Variants in FXN observed in about 807,000 individuals in gnomAD.
FXN encodes the protein frataxin, mitochondrial.
FXN carries 14 observed loss-of-function variants against 22.4 expected under a neutral mutation model. The observed-to-expected ratio is 0.62, with a 90% CI of 0.41 to 0.98. The LOEUF (loss-of-function observed/expected upper bound fraction) is 0.98, where lower values mean the gene tolerates loss of function less well. Ranked by LOEUF, FXN falls within the 50% of genes least tolerant of loss-of-function variation. The pLI is 0.00. For synonymous variants in FXN, 120 were observed against 114.1 expected, an observed-to-expected ratio of 1.05 and a Z score of -0.33; for missense variants, 267 against 268.4, an observed-to-expected ratio of 0.99 and a Z score of 0.04.
At chr9:69,057,728 CT>C (rs1326575645) in intron 3 of FXN, among the ~76,000 whole-genome samples, 1 of 151,880 alleles carries the variant, frequency 6.6e-6, no homozygotes, top group Non-Finnish European at 1.5e-5. Context: ...CAGTCTTTTC[CT>C]CCCCTGAGAT....
intron 2 of FXN, among the ~76,000 whole-genome samples, chr9:69,052,731 A>G (rs1252870962): frequency 2.6e-5 from 4 of 151,430 alleles, no homozygotes; most frequent in Non-Finnish European, 4.4e-5. Context: ...TTCAGTAGAG[A>G]CGGGGTTTCA....
Position 69,072,825 on chromosome 9 carries a change from G to T in FXN, c.*63G>T. On this transcript the variant is annotated 3_prime_UTR_variant, in exon 5 of 5. Transcript: ENST00000484259. ...GCCAAGACCCCAGCTTCATTATGCA[G>T]CTGAGGTCTGTTTTTTGTTGTTGTT... 6.2e-7 allele frequency: 1 copy of T among 1,608,112 alleles called. No homozygotes were observed. The highest frequency in any genetic ancestry group is 8.5e-7 in the Non-Finnish European group (1 of 1,178,788).
intron 3 of FXN, among the ~76,000 whole-genome samples, chr9:69,054,128 G>A (rs1831911660): frequency 6.6e-6 from 1 of 152,132 alleles, no homozygotes. Context: ...AGCCTCCCGA[G>A]TAGCTGGGAT....
At chr9:69,042,466 C>T (rs1587816005) in intron 1 of FXN, among the ~76,000 whole-genome samples, 2 of 152,156 alleles carry the variant, frequency 1.3e-5, no homozygotes, top group East Asian at 1.9e-4. Context: ...GTGAGTACCA[C>T]GATCCCTTCC....
chr9:69,053,175 A>C lies in FXN; in HGVS notation c.299A>C (p.Glu100Ala), dbSNP rs541981554. Reference sequence around the variant, plus strand: ...GAGACCACCTATGAAAGACTAGCAGAGGAAACGCTGGACTCTTTAGCAGAG... The same window carrying C: ...GAGACCACCTATGAAAGACTAGCAGCGGAAACGCTGGACTCTTTAGCAGAG... The part of the protein sequence containing the change: ...LDETTYERLA[E>A]ETLDSLAEFF... The change falls in exon 3 of 5, where the codon GAG (glutamate) becomes GCG (alanine). Residue 100 changes from glutamate (E) to alanine (A), a missense_variant. By Grantham distance (107) the Glu-to-Ala change is moderately radical (BLOSUM62 -1). Transcript: ENST00000484259. The C allele has an allele frequency of 1.1e-4, 174 of 1,613,998 alleles. 1 individual carries two copies. The South Asian group carries it at 1.9e-3, about 17-fold the overall frequency.
intron 3 of FXN, among the ~76,000 whole-genome samples, chr9:69,064,306 G>A (rs1832129110): frequency 6.6e-6 from 1 of 152,200 alleles, no homozygotes; most frequent in Admixed American, 6.5e-5. Context: ...AGAATTCAAG[G>A]CTCTTTAGAG....
In FXN at chr9:69,078,663, A is replaced by G. The variant is rs765041538; in HGVS notation, c.*5901A>G. 1.3e-5 allele frequency: 13 copies of G among 975,374 alleles called. No homozygotes were observed. The highest frequency in any genetic ancestry group is 1.6e-5 in the Non-Finnish European group (13 of 827,664). 60.4% of individuals were successfully genotyped at this position (975,374 alleles called of 1,614,324 possible). The stretch of plus-strand genomic sequence containing the variant: ...TTGACTCCAGCAATCCCAAATCCCC[A>G]GATCCCTAAGTGTGCTGTGCTATTT... On this transcript the variant is annotated 3_prime_UTR_variant, in exon 5 of 5. Coordinates refer to ENST00000484259, the MANE Select transcript of FXN (RefSeq NM_000144.5).
intron 3 of FXN, among the ~76,000 whole-genome samples, chr9:69,062,152 C>A (rs781145998): frequency 5.3e-5 from 8 of 152,152 alleles, no homozygotes; most frequent in Non-Finnish European, 1.2e-4. Flanking sequence ...CTCTGTGTCA[C>A]CCAGGCTGAA....
At chr9:69,051,376 C>G (rs1175902355) in intron 2 of FXN, among the ~76,000 whole-genome samples, 1 of 152,020 alleles carries the variant, frequency 6.6e-6, no homozygotes, top group Admixed American at 6.5e-5. Context: ...GCCACTGCAC[C>G]CAGCCCATGG....
rs1028907172 is a variant in FXN, at chr9:69,047,336, GAC to G, written c.263+866_263+867del. Among the ~76,000 whole-genome samples, 6 of 146,744 alleles carry G rather than the reference GAC, an allele frequency of 4.1e-5. 1 individual carries two copies. In the Admixed American group the frequency reaches 4.1e-4, roughly 10 times the overall value. On this transcript the variant is annotated intron_variant, in intron 2 of 4. Transcript: ENST00000484259. ...TTCTTCTGATCTACACACAGACACA[GAC>G]ACACACACACAGACACACACACACA... is the stretch of plus-strand genomic sequence containing the variant.
At chr9:69,038,691 G>T (rs1354148037) in intron 1 of FXN, among the ~76,000 whole-genome samples, 2 of 151,358 alleles carry the variant, frequency 1.3e-5, no homozygotes, top group East Asian at 3.9e-4. Flanking sequence ...GGTGGTGGGT[G>T]CCTGTAGTCC....
chr9:69,072,464 G>GA, intron 4 of FXN, 148 bp from the exon 5 acceptor site: 1 of 1,360,118 alleles, frequency 7.4e-7, no homozygotes, highest in South Asian at 1.2e-5. Context: ...TAGATGCTAA[G>GA]ATAAGAAGGC....
Position 69,074,808 on chromosome 9 carries a change from GAAATA to G in FXN, c.*2051_*2055del, listed in dbSNP as rs1832337711. 1.0e-6 allele frequency: 1 copy of G among 954,242 alleles called. No homozygotes were observed. Among genetic ancestry groups the G allele is most frequent in the African/African-American group, 1.8e-5 (1 of 56,552 alleles). 59.1% of individuals were successfully genotyped at this position (954,242 alleles called of 1,614,324 possible). A position where few individuals can be genotyped will look rare whatever the true frequency, so the allele number is the denominator to read the frequency against. ...GCTAAATAGGTAAAATATTTTTTCT[GAAATA>G]AAATTATTTTTTGAGTCTGATGGAA... is the stretch of plus-strand genomic sequence containing the variant. On this transcript the variant is annotated 3_prime_UTR_variant, in exon 5 of 5. Transcript: ENST00000484259.
intron 1 of FXN, among the ~76,000 whole-genome samples, chr9:69,036,884 G>A (rs192205557): frequency 6.6e-6 from 1 of 152,240 alleles, no homozygotes; most frequent in Non-Finnish European, 1.5e-5. Flanking sequence ...AGTGGTAGAG[G>A]GTGTTTCACG....
At chr9:69,068,358 G>T (rs1299782130) in intron 4 of FXN, among the ~76,000 whole-genome samples, 1 of 152,196 alleles carries the variant, frequency 6.6e-6, no homozygotes, top group Non-Finnish European at 1.5e-5. Context: ...AGAACATGGG[G>T]TGCCTCCCCT....
chr9:69,078,755 G>A lies in FXN; in HGVS notation c.*5993G>A, dbSNP rs1019424480. On this transcript the variant is annotated 3_prime_UTR_variant, in exon 5 of 5. Coordinates refer to ENST00000484259, the MANE Select transcript of FXN (RefSeq NM_000144.5). ...GTCTTTATTCCCCACATCTCTGCCT[G>A]GGGGGTAGATTCTACCCTGAAAAAT... 2.0e-6 allele frequency: 2 copies of A among 985,456 alleles called. No homozygotes were observed. Among genetic ancestry groups the A allele is most frequent in the African/African-American group, 1.7e-5 (1 of 57,200 alleles). The allele number at this position is 985,456 out of a possible 1,614,324, so 61.0% of individuals were successfully genotyped here.
chr9:69,072,477 A>G, intron 4 of FXN, 135 bp from the exon 5 acceptor site: 1 of 1,430,848 alleles, frequency 7.0e-7, no homozygotes, highest in South Asian at 1.2e-5. Flanking sequence ...AAGAAGGCAG[A>G]TATACACTAG....
chr9:69,075,239 C>T lies in FXN; in HGVS notation c.*2477C>T. On this transcript the variant is annotated 3_prime_UTR_variant, in exon 5 of 5. Coordinates refer to ENST00000484259, the MANE Select transcript of FXN (RefSeq NM_000144.5). ...TTGGGAGGCTGAGGCAAGTGTATCA[C>T]CTGAGGTCAGGAGTTCAAGACCAGC... 4.2e-6 allele frequency: 3 copies of T among 712,654 alleles called. No homozygotes were observed. Among genetic ancestry groups the T allele is most frequent in the Non-Finnish European group, 5.1e-6 (3 of 582,668 alleles). The allele number at this position is 712,654 out of a possible 1,614,324, so 44.1% of individuals were successfully genotyped here.
rs1480196409 is a variant in FXN at position 69,078,581 on chromosome 9, G to A, written c.*5819G>A. The A allele has an allele frequency of 1.0e-6, 1 of 985,524 alleles. No individual in the cohort carries two copies. The highest frequency in any genetic ancestry group is 1.2e-6 in the Non-Finnish European group (1 of 829,964). The allele number at this position is 985,524 out of a possible 1,614,324, so 61.0% of individuals were successfully genotyped here. ...AAAAATGTGCTTTTCTGACTGAACT[G>A]TTCAGGCACTGACTCTACATATAAT... is the stretch of plus-strand genomic sequence containing the variant. On this transcript the variant is annotated 3_prime_UTR_variant, in exon 5 of 5. Coordinates refer to ENST00000484259, the MANE Select transcript of FXN (RefSeq NM_000144.5).
Sources: gnomAD v4.1 joint callset for allele counts (sites outside exome capture counted in the v4.1 genomes callset) on GRCh38, gnomAD v4.1.1 for gene constraint, MANE v1.5 for transcripts, NCBI Gene and HGNC (gene_info 2026-07-23, HGNC 2026-07-21) for gene names.